TEAD4: variants seen among roughly 807,000 people sequenced by gnomAD.
TEAD4 encodes transcriptional enhancer factor TEF-3.
Under a neutral mutation model 52.4 loss-of-function variants are expected in TEAD4, and 36 were observed. The ratio of observed to expected loss-of-function variants is 0.69; its 90% CI spans 0.53 to 0.91. The LOEUF is 0.91. Among genes scored for constraint, TEAD4 ranks in the 40% least tolerant of loss-of-function variants. The pLI, the probability that TEAD4 is intolerant of heterozygous loss-of-function variation, is 0.00. For synonymous variants in TEAD4, 220 were observed against 231.0 expected, an observed-to-expected ratio of 0.95 and a Z score of 0.43; for missense variants, 508 against 583.9, an observed-to-expected ratio of 0.87 and a Z score of 1.34.
chr12:2,994,680 C>A lies in TEAD4; in HGVS notation c.-29-58C>A. ...CTGGCACTCCCCGGAGTGCCTTCATCCCGTGGCCCACGCAGTTCTTCCACT... is the reference window on the plus strand; with the variant it reads ...CTGGCACTCCCCGGAGTGCCTTCATACCGTGGCCCACGCAGTTCTTCCACT... On this transcript the variant is annotated intron_variant, in intron 2 of 12. Coordinates refer to ENST00000359864, the MANE Select transcript of TEAD4 (RefSeq NM_003213.4). This position sits in a 1 kb window ranked among gnomAD's most constrained non-coding sequence, Gnocchi z 4.7. The A allele has an allele frequency of 6.7e-7, 1 of 1,488,382 alleles. No homozygotes were observed. Among genetic ancestry groups the A allele is most frequent in the Non-Finnish European group, 8.9e-7 (1 of 1,124,988 alleles). The allele number at this position is 1,488,382 out of a possible 1,614,324, so 92.2% of individuals were successfully genotyped here.
chr12:3,020,814 C>G (rs771859029), intron 9 of TEAD4, 41 bp downstream of exon 9: 2 of 1,500,090 alleles, frequency 1.3e-6, no homozygotes, highest in Non-Finnish European at 1.8e-6. Flanking sequence ...CTGGTCACCC[C>G]CTCTCCCTCT....
intron 2 of TEAD4, among the ~76,000 whole-genome samples, chr12:2,991,514 C>G (rs940308847): frequency 6.6e-6 from 1 of 151,972 alleles, no homozygotes; most frequent in Admixed American, 6.6e-5. Context: ...ATACAAAAAT[C>G]AGCTGGGTGT....
chr12:2,993,028 C>T (rs28477463), intron 2 of TEAD4, among the ~76,000 whole-genome samples: 23,957 of 152,088 alleles, frequency 0.16, 4,458 homozygotes, highest in African/African-American at 0.43. Flanking sequence ...CTGTTTCTTT[C>T]AGAAAGAGCC....
intron 2 of TEAD4, among the ~76,000 whole-genome samples, chr12:2,986,499 G>A (rs1263804490): frequency 6.6e-6 from 1 of 151,916 alleles, no homozygotes; most frequent in Non-Finnish European, 1.5e-5. Flanking sequence ...AATTAGCCGG[G>A]CGTGGTGGTA....
At chr12:2,981,652 C>T (rs561082428) in intron 2 of TEAD4, among the ~76,000 whole-genome samples, 44 of 152,304 alleles carry the variant, frequency 2.9e-4, no homozygotes, top group African/African-American at 9.6e-4. Flanking sequence ...AGTCCAAGAA[C>T]AGGTACTTCA....
In TEAD4 at chr12:2,995,007, G is replaced by C. The variant is rs574541969; in HGVS notation, c.226+15G>C. 2 of 1,610,896 alleles carry C rather than the reference G, an allele frequency of 1.2e-6. No individual in the cohort carries two copies. Among genetic ancestry groups the C allele is most frequent in the Non-Finnish European group, 1.7e-6 (2 of 1,178,534 alleles). Reference sequence around the variant, plus strand: ...CAAGATGTATGGTAAGGAGCCCGTCGGGTTCAGCCCTGTACCTGAGGCTGA... The same window carrying C: ...CAAGATGTATGGTAAGGAGCCCGTCCGGTTCAGCCCTGTACCTGAGGCTGA... On this transcript the variant is annotated intron_variant, in intron 3 of 12. Coordinates refer to ENST00000359864, the MANE Select transcript of TEAD4 (RefSeq NM_003213.4).
chr12:2,961,960 G>C (rs1201485304), intron 2 of TEAD4, among the ~76,000 whole-genome samples: 2 of 151,956 alleles, frequency 1.3e-5, no homozygotes, highest in Non-Finnish European at 2.9e-5. Flanking sequence ...TCAGGAGGGA[G>C]GGGGACAGAC....
At position 2,994,718 on chromosome 12, in the gene TEAD4, T is replaced by G; in HGVS notation, c.-29-20T>G. The G allele has an allele frequency of 6.5e-7, 1 of 1,545,836 alleles. No individual in the cohort carries two copies. On this transcript the variant is annotated intron_variant, in intron 2 of 12. Coordinates refer to ENST00000359864, the MANE Select transcript of TEAD4 (RefSeq NM_003213.4). The surrounding 1 kb of genome is among the most constrained non-coding windows in gnomAD (Gnocchi z 4.7). Reference sequence around the variant, plus strand: ...CAGTTCTTCCACTGCTCACCGGGGCTGTGGTTCCTGTCCCCACAGGTCCAA... The same window carrying G: ...CAGTTCTTCCACTGCTCACCGGGGCGGTGGTTCCTGTCCCCACAGGTCCAA...
chr12:2,962,717 C>T (rs753392141), intron 2 of TEAD4, among the ~76,000 whole-genome samples: 5 of 152,248 alleles, frequency 3.3e-5, no homozygotes, highest in East Asian at 1.9e-4. Context: ...TGATCCGCCT[C>T]GGCCTCCCAA....
intron 5 of TEAD4, among the ~76,000 whole-genome samples, chr12:3,012,594 G>T (rs1056793963): frequency 1.2e-4 from 18 of 152,146 alleles, no homozygotes; most frequent in Non-Finnish European, 1.2e-4. Flanking sequence ...GGCATGGGGG[G>T]GTGCCTGCTG....
chr12:3,034,621 ATATGCATTTTT>A (rs1343816553), intron 10 of TEAD4, among the ~76,000 whole-genome samples: 1 of 152,180 alleles, frequency 6.6e-6, no homozygotes, highest in Non-Finnish European at 1.5e-5. Context: ...TGGCACGTGA[ATATGCATTTTT>A]TTAAATAGTT....
chr12:2,991,747 G>C (rs940257667), intron 2 of TEAD4, among the ~76,000 whole-genome samples: 2 of 147,552 alleles, frequency 1.4e-5, no homozygotes, highest in African/African-American at 4.9e-5. Context: ...TTTCTGATGA[G>C]AATAAGCTAG....
At chr12:3,018,408 T>A in intron 6 of TEAD4, 137 bp from the exon 7 acceptor site, 1 of 932,134 alleles carries the variant, frequency 1.1e-6, no homozygotes, top group South Asian at 1.4e-5. Context: ...CCTGTTAGCA[T>A]TCACTAGCTA....
At chr12:3,007,602 A>G (rs2098256976) in intron 3 of TEAD4, among the ~76,000 whole-genome samples, 1 of 152,262 alleles carries the variant, frequency 6.6e-6, no homozygotes, top group Non-Finnish European at 1.5e-5. Flanking sequence ...TATAACTGAC[A>G]TTACAACAAA....
chr12:2,975,356 CATTATTATTATTATT>C (rs58872768), intron 2 of TEAD4, among the ~76,000 whole-genome samples: 95,871 of 148,048 alleles, frequency 0.65, 33,906 homozygotes, highest in Non-Finnish European at 0.79. Context: ...AATATCGGCA[CATTATTATTATTATT>C]ATTATTATTA....
intron 2 of TEAD4, among the ~76,000 whole-genome samples, chr12:2,969,842 C>A (rs1215875636): frequency 6.6e-6 from 1 of 152,300 alleles, no homozygotes; most frequent in African/African-American, 2.4e-5. Flanking sequence ...AGATGACCCC[C>A]CACAACCCCA....
rs1048419443 is a variant in TEAD4 at position 3,015,486 on chromosome 12, T to C, written c.355-1912T>C. ...ATGAGTGGAAGGGCCTGCTGTGTTC[T>C]GGCTTCACACCTGCACGGCACCAGG... On this transcript the variant is annotated intron_variant, in intron 5 of 12. Coordinates refer to ENST00000359864, the MANE Select transcript of TEAD4 (RefSeq NM_003213.4). Among the ~76,000 whole-genome samples the C allele has an allele frequency of 4.6e-5, 7 of 152,248 alleles. No individual in the cohort carries two copies. The East Asian group carries it at 1.3e-3, about 29-fold the overall frequency.
chr12:3,026,843 A>T (rs1034501240), intron 10 of TEAD4, among the ~76,000 whole-genome samples: 2 of 152,240 alleles, frequency 1.3e-5, no homozygotes, highest in African/African-American at 4.8e-5. Context: ...CTTCTGTTGA[A>T]TATTTAATTT....
At position 3,011,383 on chromosome 12, in the gene TEAD4, A is replaced by G. The variant is rs557788305; in HGVS notation, c.291+315A>G. Among the ~76,000 whole-genome samples the G allele has an allele frequency of 7.4e-4, 112 of 152,190 alleles. 1 individual carries two copies. The highest frequency in any genetic ancestry group is 1.4e-3 in the Non-Finnish European group (93 of 68,008). On this transcript the variant is annotated intron_variant, in intron 4 of 12. Transcript: ENST00000359864. ...GTAGCTGGGGTTATAGTCACCCGCC[A>G]CAATGCCCGGCTAATTTTTTGTATT... is the stretch of plus-strand genomic sequence containing the variant.
Sources: allele counts gnomAD v4.1 joint callset (sites outside exome capture counted in the v4.1 genomes callset), GRCh38; gene constraint gnomAD v4.1.1; non-coding constraint Gnocchi (gnomAD v3.1); transcripts MANE v1.5; gene names NCBI Gene and HGNC (gene_info 2026-07-23, HGNC 2026-07-21).